PHF24: variants seen among roughly 807,000 people sequenced by gnomAD.
PHF24 encodes the protein Galpha inhibitory interacting protein.
PHF24 carries 25 observed loss-of-function variants against 42.6 expected under a neutral mutation model. The ratio of observed to expected loss-of-function variants is 0.59; its 90% CI spans 0.43 to 0.82. The LOEUF is 0.82. Among genes scored for constraint, PHF24 ranks in the 40% least tolerant of loss-of-function variants. The pLI, the probability that PHF24 is intolerant of heterozygous loss-of-function variation, is 0.00. For missense variants in PHF24, 470 were observed against 538.1 expected, an observed-to-expected ratio of 0.87 and a Z score of 1.25; for synonymous variants, 185 against 204.8, an observed-to-expected ratio of 0.90 and a Z score of 0.83.
chr9:34,925,680 A>G, the PHF24 span, among the ~76,000 whole-genome samples: 54 of 152,068 alleles, frequency 3.6e-4, no homozygotes, highest in African/African-American at 1.2e-3. Flanking sequence ...CAAATTATCA[A>G]TTGTTTTCCT....
the PHF24 span, chr9:34,709,457 CT>C: frequency 6.2e-7 from 1 of 1,613,156 alleles, no homozygotes; most frequent in Non-Finnish European, 8.5e-7. Flanking sequence ...GTGTGAGGGG[CT>C]GACTGAGGCT....
the PHF24 span, chr9:34,709,399 G>T: frequency 1.9e-6 from 3 of 1,608,104 alleles, no homozygotes; most frequent in Non-Finnish European, 2.5e-6. Flanking sequence ...CTGGGCTATG[G>T]CCCTTTAGGG....
At chr9:34,733,196 G>T in the PHF24 span, among the ~76,000 whole-genome samples, 683 of 152,174 alleles carry the variant, frequency 4.5e-3, 2 homozygotes, top group South Asian at 0.017. Flanking sequence ...TCAAATTTTT[G>T]ATCTTTGTCG....
the PHF24 span, among the ~76,000 whole-genome samples, chr9:34,881,275 C>A: frequency 6.6e-6 from 1 of 152,126 alleles, no homozygotes; most frequent in South Asian, 2.1e-4. Context: ...CTAAAACTGA[C>A]ACCCTAACAT....
chr9:34,915,924 C>A, the PHF24 span, among the ~76,000 whole-genome samples: 3 of 151,868 alleles, frequency 2.0e-5, no homozygotes, highest in African/African-American at 7.3e-5. Flanking sequence ...CCCCACACCA[C>A]CCCACCACCA....
intron 1 of PHF24, 135 bp from the exon 2 acceptor site, chr9:34,971,160 G>A: frequency 2.6e-6 from 2 of 761,764 alleles, no homozygotes; most frequent in Non-Finnish European, 4.0e-6. Flanking sequence ...TCCTTAACAT[G>A]TGCTGTCTCC....
At chr9:34,825,408 A>T in the PHF24 span, among the ~76,000 whole-genome samples, 1 of 152,140 alleles carries the variant, frequency 6.6e-6, no homozygotes, top group Non-Finnish European at 1.5e-5. Flanking sequence ...ATGACAAACC[A>T]AAGTTTAAAG....
chr9:34,841,777 G>T, the PHF24 span, among the ~76,000 whole-genome samples: 3 of 152,282 alleles, frequency 2.0e-5, no homozygotes, highest in Admixed American at 2.0e-4. Context: ...AAAATCGCTT[G>T]AACCAGTTGG....
chr9:34,777,758 C>T, the PHF24 span, among the ~76,000 whole-genome samples: 5 of 152,192 alleles, frequency 3.3e-5, no homozygotes, highest in East Asian at 1.9e-4. Flanking sequence ...TCAGACCCAG[C>T]GCTGCTGAGC....
the PHF24 span, among the ~76,000 whole-genome samples, chr9:34,878,475 C>T: frequency 1.3e-5 from 2 of 152,194 alleles, no homozygotes; most frequent in Non-Finnish European, 2.9e-5. Flanking sequence ...CCAAGGGAAG[C>T]CGTGACAGAC....
the PHF24 span, among the ~76,000 whole-genome samples, chr9:34,722,739 TTGTC>T: frequency 6.6e-6 from 1 of 152,212 alleles, no homozygotes; most frequent in Non-Finnish European, 1.5e-5. Flanking sequence ...GATCAATGCT[TTGTC>T]TGTCTCCACA....
At chr9:34,970,088 A>G (rs1230769943) in intron 1 of PHF24, among the ~76,000 whole-genome samples, 1 of 152,234 alleles carries the variant, frequency 6.6e-6, no homozygotes, top group African/African-American at 2.4e-5. Flanking sequence ...ATACTGTTCA[A>G]TAAGCCTTGA....
the PHF24 span, among the ~76,000 whole-genome samples, chr9:34,939,065 G>A: frequency 6.6e-6 from 1 of 152,006 alleles, no homozygotes; most frequent in Admixed American, 6.6e-5. Context: ...TGGATCACGT[G>A]AAGCCAGGAG....
the PHF24 span, among the ~76,000 whole-genome samples, chr9:34,781,430 C>A: frequency 0.52 from 79,560 of 151,944 alleles, 23,095 homozygotes; most frequent in Middle Eastern, 0.65. Flanking sequence ...GAATAGATAA[C>A]CTAATGGTTT....
At chr9:34,894,192 C>T in the PHF24 span, among the ~76,000 whole-genome samples, 9 of 152,112 alleles carry the variant, frequency 5.9e-5, no homozygotes, top group African/African-American at 2.2e-4. Context: ...ATGAATTATA[C>T]ACTAGTACAA....
At chr9:34,911,544 G>A in the PHF24 span, among the ~76,000 whole-genome samples, 2 of 152,174 alleles carry the variant, frequency 1.3e-5, no homozygotes, top group Admixed American at 6.5e-5. Context: ...GAGCCACCGC[G>A]CCCGGCCTAT....
At chr9:34,975,197 A>T (rs945536136) in intron 3 of PHF24, among the ~76,000 whole-genome samples, 3 of 152,174 alleles carry the variant, frequency 2.0e-5, no homozygotes, top group Admixed American at 2.0e-4. Flanking sequence ...GAGGTACTTC[A>T]TAGTAGGCCC....
chr9:34,687,862 TTGG>T, the PHF24 span, among the ~76,000 whole-genome samples: 1 of 152,128 alleles, frequency 6.6e-6, no homozygotes, highest in Non-Finnish European at 1.5e-5. Context: ...GCTGGCTGGC[TTGG>T]TGGATGGATG....
the PHF24 span, among the ~76,000 whole-genome samples, chr9:34,806,119 T>G: frequency 6.6e-6 from 1 of 152,204 alleles, no homozygotes; most frequent in Non-Finnish European, 1.5e-5. Flanking sequence ...TAATTACTGT[T>G]GCTTCACAAT....
Sources: allele counts gnomAD v4.1 joint callset (sites outside exome capture counted in the v4.1 genomes callset), GRCh38; gene constraint gnomAD v4.1.1; transcripts MANE v1.5; gene names NCBI Gene and HGNC (gene_info 2026-07-23, HGNC 2026-07-21).